Variants in CFAP54 observed in about 807,000 individuals in gnomAD.
CFAP54 encodes the protein cilia and flagella associated protein 54.
CFAP54 carries 290 observed loss-of-function variants against 370.4 expected under a neutral mutation model. The ratio of observed to expected loss-of-function variants is 0.78; its 90% CI spans 0.71 to 0.86. The LOEUF (loss-of-function observed/expected upper bound fraction) is 0.86. CFAP54 is among the 40% of genes least tolerant of loss of function. CFAP54 has a pLI of 0.00. For synonymous variants in CFAP54, 1,206 were observed against 1,236.5 expected (o/e 0.98, Z 0.52); for missense variants, 3,399 against 3,528.7 (o/e 0.96, Z 0.93).
At chr12:96,507,518 A>AACACACAC (rs979958156) in intron 4 of CFAP54, among the ~76,000 whole-genome samples, 1 of 116,184 alleles carries the variant, frequency 8.6e-6, no homozygotes, top group Non-Finnish European at 1.8e-5. Flanking sequence ...ACTGCTGAGG[A>AACACACAC]ACACACACAC....
chr12:96,495,940 C>T (rs1451828438), intron 1 of CFAP54, among the ~76,000 whole-genome samples: 1 of 152,082 alleles, frequency 6.6e-6, no homozygotes, highest in Non-Finnish European at 1.5e-5. Flanking sequence ...TAATTTAAGA[C>T]TTCTAGTAAG....
intron 42 of CFAP54, among the ~76,000 whole-genome samples, chr12:96,687,747 A>G (rs1957343932): frequency 6.6e-6 from 1 of 151,960 alleles, no homozygotes; most frequent in Non-Finnish European, 1.5e-5. Flanking sequence ...CACACATACA[A>G]TTTTCTCTCT....
chr12:96,663,050 G>A (rs1957012523), intron 38 of CFAP54, among the ~76,000 whole-genome samples: 1 of 152,148 alleles, frequency 6.6e-6, no homozygotes, highest in Non-Finnish European at 1.5e-5. Context: ...TCTTGTAACA[G>A]TGTTTGGCAC....
At chr12:96,724,176 T>G (rs1478378656) in intron 50 of CFAP54, among the ~76,000 whole-genome samples, 1 of 150,566 alleles carries the variant, frequency 6.6e-6, no homozygotes, top group Non-Finnish European at 1.5e-5. Context: ...TTTATAGTCC[T>G]TTGGGTATAT....
chr12:96,505,108 G>A (rs1955083449), intron 3 of CFAP54, among the ~76,000 whole-genome samples: 1 of 146,942 alleles, frequency 6.8e-6, no homozygotes, highest in South Asian at 2.1e-4. Flanking sequence ...CTGTTGCCCA[G>A]GCTGGAGTGC....
At chr12:96,514,255 A>G (rs552857714) in intron 5 of CFAP54, among the ~76,000 whole-genome samples, 3 of 152,350 alleles carry the variant, frequency 2.0e-5, no homozygotes, top group South Asian at 4.1e-4. Context: ...AGCATAGCCA[A>G]GTATCTTAAA....
At chr12:96,676,797 G>T (rs1319492271) in intron 39 of CFAP54, among the ~76,000 whole-genome samples, 1 of 152,036 alleles carries the variant, frequency 6.6e-6, no homozygotes, top group Non-Finnish European at 1.5e-5. Flanking sequence ...AAAGAGCTGA[G>T]ATTATAGGCA....
At chr12:96,611,820 G>T (rs762103936) in intron 26 of CFAP54, among the ~76,000 whole-genome samples, 20 of 152,202 alleles carry the variant, frequency 1.3e-4, no homozygotes, top group Non-Finnish European at 1.3e-4. Context: ...TGAATGAAAT[G>T]AAGTGAGAAG....
intron 40 of CFAP54, chr12:96,682,076 C>A (rs968927724): frequency 2.0e-5 from 16 of 786,786 alleles, no homozygotes; most frequent in Non-Finnish European, 2.3e-5. Context: ...TCTCTACCTT[C>A]CCTCCCAACT....
intron 3 of CFAP54, among the ~76,000 whole-genome samples, chr12:96,504,708 G>A (rs1955072151): frequency 6.6e-6 from 1 of 152,174 alleles, no homozygotes; most frequent in South Asian, 2.1e-4. Flanking sequence ...GACTATTCAA[G>A]GGTTTGGGAC....
At chr12:96,830,861 C>T (rs1166234638) in intron 66 of CFAP54, among the ~76,000 whole-genome samples, 2 of 151,516 alleles carry the variant, frequency 1.3e-5, no homozygotes, top group African/African-American at 4.8e-5. Flanking sequence ...TTTTTAGTAG[C>T]GATAGGGTTT....
chr12:96,542,571 A>T (rs1372428319), intron 14 of CFAP54, among the ~76,000 whole-genome samples: 1 of 152,010 alleles, frequency 6.6e-6, no homozygotes, highest in Non-Finnish European at 1.5e-5. Flanking sequence ...TTTCAATCTC[A>T]TTTCATCTCT....
intron 63 of CFAP54, among the ~76,000 whole-genome samples, chr12:96,806,721 T>G (rs758286723): frequency 6.6e-6 from 1 of 152,146 alleles, no homozygotes; most frequent in Non-Finnish European, 1.5e-5. Context: ...CCCTTTGAGG[T>G]GCTCTGGATT....
chr12:96,831,625 A>C (rs954309257), intron 66 of CFAP54, among the ~76,000 whole-genome samples: 4 of 152,120 alleles, frequency 2.6e-5, no homozygotes, highest in African/African-American at 4.8e-5. Flanking sequence ...AAGACTGAAG[A>C]CTTCTCTGAG....
intron 46 of CFAP54, among the ~76,000 whole-genome samples, chr12:96,702,066 G>C (rs1027977845): frequency 6.6e-6 from 1 of 152,034 alleles, no homozygotes; most frequent in Non-Finnish European, 1.5e-5. Context: ...TCCGGTTCTG[G>C]GTGTGTTGTG....
At chr12:96,661,446 G>T (rs1956993512) in intron 38 of CFAP54, among the ~76,000 whole-genome samples, 1 of 152,112 alleles carries the variant, frequency 6.6e-6, no homozygotes, top group African/African-American at 2.4e-5. Flanking sequence ...TGATTGTGGA[G>T]GCCAGCTAAG....
chr12:96,589,996 C>G (rs1592866810), intron 23 of CFAP54, among the ~76,000 whole-genome samples: 1 of 152,172 alleles, frequency 6.6e-6, no homozygotes, highest in East Asian at 1.9e-4. Context: ...ATCTGCCCAC[C>G]TCAGCCTTCC....
intron 63 of CFAP54, 93 bp from the exon 64 acceptor site, chr12:96,811,643 A>G: frequency 1.5e-6 from 1 of 660,932 alleles, no homozygotes; most frequent in Non-Finnish European, 2.4e-6. Flanking sequence ...TTTTCAAAGT[A>G]CAGTGATATT....
intron 8 of CFAP54, among the ~76,000 whole-genome samples, chr12:96,523,113 C>G (rs1205347689): frequency 6.6e-6 from 1 of 152,124 alleles, no homozygotes; most frequent in African/African-American, 2.4e-5. Flanking sequence ...TGGATATACA[C>G]CCTCTTCTGC....
Sources: gnomAD v4.1 joint callset for allele counts (sites outside exome capture counted in the v4.1 genomes callset) on GRCh38, gnomAD v4.1.1 for gene constraint, MANE v1.5 for transcripts, NCBI Gene and HGNC (gene_info 2026-07-23, HGNC 2026-07-21) for gene names.